Variants in AGTPBP1 observed in about 807,000 individuals in gnomAD.
The protein encoded by AGTPBP1 is ATP/GTP binding carboxypeptidase 1.
Under a neutral mutation model 143.9 loss-of-function variants are expected in AGTPBP1, and 70 were observed. That is an observed-to-expected ratio of 0.49 (90% CI 0.40 to 0.59). The LOEUF (loss-of-function observed/expected upper bound fraction) is 0.59. AGTPBP1 is among the 20% of genes least tolerant of loss of function. The pLI, the probability that AGTPBP1 is intolerant of heterozygous loss-of-function variation, is 0.00. For missense variants in AGTPBP1, 1,229 were observed against 1,464.5 expected, an observed-to-expected ratio of 0.84 and a Z score of 2.62; for synonymous variants, 463 against 500.2, an observed-to-expected ratio of 0.93 and a Z score of 0.99.
intron 24 of AGTPBP1, 114 bp from the exon 25 acceptor site, chr9:85,575,589 G>A: frequency 3.5e-6 from 3 of 857,062 alleles, no homozygotes; most frequent in South Asian, 2.5e-5. Context: ...TTAAAAGGCT[G>A]GTACTTTGTA....
At chr9:85,764,796 G>A in the AGTPBP1 span, 3 of 1,319,252 alleles carry the variant, frequency 2.3e-6, no homozygotes, top group East Asian at 4.6e-5. Context: ...CTCCAGACCA[G>A]TACAGCTGAG....
intron 25 of AGTPBP1, among the ~76,000 whole-genome samples, chr9:85,566,197 CAA>C (rs1377861058): frequency 5.3e-5 from 8 of 152,064 alleles, no homozygotes; most frequent in Non-Finnish European, 1.2e-4. Flanking sequence ...GTTAGCCAGG[CAA>C]AGTGTGAGCA....
intron 23 of AGTPBP1, among the ~76,000 whole-genome samples, chr9:85,583,332 T>C (rs1231464493): frequency 6.6e-6 from 1 of 152,130 alleles, no homozygotes; most frequent in Non-Finnish European, 1.5e-5. Flanking sequence ...TACTCCACTT[T>C]GACACACATG....
In AGTPBP1 at chr9:85,586,881, G is replaced by C; in HGVS notation, c.2983C>G (p.His995Asp). ...PSPDLHPTIY[H>D]AKGLLQYLAA... The stretch of plus-strand genomic sequence containing the variant: ...AAGTATTGCAACAGCCCCTTAGCAT[G>C]GTAAATTGTAGGATGTAAATCCGGA... The change falls in exon 22 of 26, where the codon CAT (histidine) becomes GAT (aspartate). Residue 995 changes from histidine to aspartate, a missense_variant. His to Asp is a moderately conservative substitution (Grantham distance 81). Transcript: ENST00000357081. The C allele has an allele frequency of 6.2e-7, 1 of 1,613,976 alleles. No individual in the cohort carries two copies. Among genetic ancestry groups the C allele is most frequent in the Non-Finnish European group, 8.5e-7 (1 of 1,179,944 alleles).
chr9:85,677,423 T>C lies in AGTPBP1; in HGVS notation c.436+13A>G. The C allele has an allele frequency of 6.2e-7, 1 of 1,604,342 alleles. No homozygotes were observed. The highest frequency in any genetic ancestry group is 8.5e-7 in the Non-Finnish European group (1 of 1,175,828). On this transcript the variant is annotated intron_variant, in intron 6 of 25. Transcript: ENST00000357081. ...GTTCTAGATACAATAATCATACAAA[T>C]GAAATCCCTTACCTTTTGGTCCAAT...
At chr9:85,664,744 C>T (rs905546312) in intron 8 of AGTPBP1, among the ~76,000 whole-genome samples, 2 of 152,088 alleles carry the variant, frequency 1.3e-5, no homozygotes, top group Admixed American at 1.3e-4. Context: ...AATATTTACT[C>T]CCCAAGGCAC....
chr9:85,717,795 A>G (rs1158861192), intron 1 of AGTPBP1, among the ~76,000 whole-genome samples: 1 of 151,770 alleles, frequency 6.6e-6, no homozygotes, highest in African/African-American at 2.4e-5. Context: ...CGTCATTTAC[A>G]TTAGGTATTT....
upstream of AGTPBP1, among the ~76,000 whole-genome samples, chr9:85,745,390 A>G (rs1245822889): frequency 1.3e-5 from 2 of 152,246 alleles, no homozygotes; most frequent in African/African-American, 4.8e-5. Flanking sequence ...TTCAACAATC[A>G]ACCATTTATT....
chr9:85,555,423 C>A (rs1290334693), intron 25 of AGTPBP1, among the ~76,000 whole-genome samples: 1 of 151,938 alleles, frequency 6.6e-6, no homozygotes, highest in Non-Finnish European at 1.5e-5. Context: ...CATGGTGAAA[C>A]CCCCGTCTCT....
At chr9:85,626,417 C>T (rs1178808723) in intron 14 of AGTPBP1, among the ~76,000 whole-genome samples, 1 of 152,144 alleles carries the variant, frequency 6.6e-6, no homozygotes, top group Non-Finnish European at 1.5e-5. Context: ...AGTAATTCTT[C>T]ATTAATTTTG....
chr9:85,697,418 T>G (rs1479421849), intron 2 of AGTPBP1, among the ~76,000 whole-genome samples: 1 of 149,948 alleles, frequency 6.7e-6, no homozygotes, highest in Non-Finnish European at 1.5e-5. Context: ...TGTAATATGA[T>G]AAATTATGGG....
intron 8 of AGTPBP1, among the ~76,000 whole-genome samples, chr9:85,663,761 A>G (rs561784313): frequency 6.6e-6 from 1 of 152,246 alleles, no homozygotes; most frequent in African/African-American, 2.4e-5. Context: ...AAAGCTACCA[A>G]TTGATCCAGC....
chr9:85,685,662 A>T (rs1224751503), intron 3 of AGTPBP1, among the ~76,000 whole-genome samples: 3 of 152,122 alleles, frequency 2.0e-5, no homozygotes, highest in Non-Finnish European at 4.4e-5. Flanking sequence ...ATGGCACCAG[A>T]TCAAACTCAC....
the AGTPBP1 span, among the ~76,000 whole-genome samples, chr9:85,800,216 G>T: frequency 3.3e-5 from 5 of 152,188 alleles, no homozygotes; most frequent in Non-Finnish European, 7.3e-5. Flanking sequence ...ATCTTCCGGT[G>T]AATTTGGGCA....
rs73475725 is a variant in AGTPBP1, at chr9:85,565,783, A to G, written c.3503+9532T>C. On this transcript the variant is annotated intron_variant, in intron 25 of 25. Coordinates refer to ENST00000357081, the MANE Select transcript of AGTPBP1 (RefSeq NM_001330701.2). ...GCAATCATTGCCCCTTATCCTCACT[A>G]TTCTTATTGGAGCACTCATCCTCGT... 9.0e-3 allele frequency among the ~76,000 whole-genome samples: 1,374 copies of G among 152,184 alleles called. 13 individuals are homozygous for G. The highest frequency in any genetic ancestry group is 0.032 in the African/African-American group (1,308 of 41,508).
At chr9:85,734,617 G>C (rs925492743) in intron 1 of AGTPBP1, among the ~76,000 whole-genome samples, 1 of 152,214 alleles carries the variant, frequency 6.6e-6, no homozygotes, top group Non-Finnish European at 1.5e-5. Flanking sequence ...AATAGTAAGT[G>C]TTGATGTGCA....
chr9:85,754,444 A>G, the AGTPBP1 span, among the ~76,000 whole-genome samples: 1 of 152,224 alleles, frequency 6.6e-6, no homozygotes, highest in South Asian at 2.1e-4. Context: ...GGCTTCCCAA[A>G]GTGCTGGGAT....
At chr9:85,705,794 T>C (rs148791310) in intron 2 of AGTPBP1, among the ~76,000 whole-genome samples, 2,254 of 152,056 alleles carry the variant, frequency 0.015, 25 homozygotes, top group Middle Eastern at 0.038. Flanking sequence ...GGGTTCACGC[T>C]ATTCTCCTGC....
At chr9:85,724,144 G>T (rs553560095) in intron 1 of AGTPBP1, among the ~76,000 whole-genome samples, 3 of 151,848 alleles carry the variant, frequency 2.0e-5, no homozygotes, top group African/African-American at 7.3e-5. Context: ...AAAATTAGCC[G>T]GGTGTGGTGG....
Sources: gnomAD v4.1 joint callset for allele counts (sites outside exome capture counted in the v4.1 genomes callset) on GRCh38, gnomAD v4.1.1 for gene constraint, MANE v1.5 for transcripts, NCBI Gene and HGNC (gene_info 2026-07-23, HGNC 2026-07-21) for gene names.